The following KCNB2 variants were observed in gnomAD, a reference collection of about 807,000 sequenced individuals.
KCNB2 encodes potassium voltage-gated channel subfamily B member 2.
Under a neutral mutation model 61.5 loss-of-function variants are expected in KCNB2, and 15 were observed. The observed-to-expected ratio is 0.24, with a 90% CI of 0.16 to 0.38. The LOEUF (loss-of-function observed/expected upper bound fraction) is 0.38, where lower values mean the gene tolerates loss of function less well. Ranked by LOEUF, KCNB2 falls within the 10% of genes least tolerant of loss-of-function variation. The pLI is 1.00. For synonymous variants in KCNB2, 457 were observed against 446.0 expected (o/e 1.02, Z -0.31); for missense variants, 828 against 1,125.2 (o/e 0.74, Z 3.78).
At chr8:72,671,679 G>T (rs1185666153) in intron 2 of KCNB2, among the ~76,000 whole-genome samples, 1 of 152,052 alleles carries the variant, frequency 6.6e-6, no homozygotes, top group Non-Finnish European at 1.5e-5. Context: ...ACTTCAAAAG[G>T]TGTAGTGTAT....
chr8:72,704,658 G>A (rs1807189504), intron 2 of KCNB2, among the ~76,000 whole-genome samples: 1 of 152,016 alleles, frequency 6.6e-6, no homozygotes, highest in Non-Finnish European at 1.5e-5. Context: ...TATGGAGTAG[G>A]CTTCAAGATA....
Position 72,937,851 on chromosome 8 carries a change from T to C in KCNB2, c.2496T>C (p.Asn832=), listed in dbSNP as rs748900910. Residue 832 remains asparagine, a synonymous_variant, in exon 3 of 3, where the codon AAT becomes AAC. Coordinates refer to ENST00000523207, the MANE Select transcript of KCNB2 (RefSeq NM_004770.3). ...REEKQVDSSP[N]CFADKPSDGR... ...AGAAGCAGGTGGACTCCAGCCCAAA[T>C]TGCTTTGCAGATAAGCCTAGTGATG... 1 of 1,614,036 alleles carries C rather than the reference T, an allele frequency of 6.2e-7. No homozygotes were observed. Among genetic ancestry groups the C allele is most frequent in the Admixed American group, 1.7e-5 (1 of 59,934 alleles).
chr8:72,832,160 C>T (rs574722302), intron 2 of KCNB2, among the ~76,000 whole-genome samples: 2 of 152,182 alleles, frequency 1.3e-5, no homozygotes, highest in African/African-American at 4.8e-5. Context: ...GGATATAATC[C>T]AAGTTGTCAG....
chr8:72,641,149 A>G (rs544870661), intron 2 of KCNB2, among the ~76,000 whole-genome samples: 2 of 152,178 alleles, frequency 1.3e-5, no homozygotes, highest in African/African-American at 4.8e-5. Context: ...ACAATCCACT[A>G]AAATTTTACT....
intron 2 of KCNB2, among the ~76,000 whole-genome samples, chr8:72,778,217 A>C (rs1808689539): frequency 6.6e-6 from 1 of 152,180 alleles, no homozygotes; most frequent in East Asian, 1.9e-4. Context: ...TAGATTTCTA[A>C]TTATGGAAAC....
At chr8:72,866,110 G>C (rs1249631229) in intron 2 of KCNB2, among the ~76,000 whole-genome samples, 1 of 152,200 alleles carries the variant, frequency 6.6e-6, no homozygotes, top group Non-Finnish European at 1.5e-5. Context: ...AGAGCTATCA[G>C]TAATGGAAAA....
At chr8:72,637,846 A>G (rs1420143745) in intron 2 of KCNB2, among the ~76,000 whole-genome samples, 3 of 152,152 alleles carry the variant, frequency 2.0e-5, no homozygotes, top group Non-Finnish European at 4.4e-5. Flanking sequence ...TGAGAAGCCT[A>G]CTGGAAGACC....
intron 2 of KCNB2, among the ~76,000 whole-genome samples, chr8:72,597,460 T>C (rs1807217892): frequency 1.3e-5 from 2 of 152,252 alleles, no homozygotes; most frequent in Admixed American, 1.3e-4. Context: ...AGCATCTGCA[T>C]GTTATCAGGA....
Position 72,711,777 on chromosome 8 carries a change from C to T in KCNB2, c.579+143464C>T, listed in dbSNP as rs1585845357. ...GGCCAAGGTGGGCGGCATTTGAGGT[C>T]AGGAGTTCAAGACCAGCCTGACCAA... On this transcript the variant is annotated intron_variant, in intron 2 of 2. Coordinates refer to ENST00000523207, the MANE Select transcript of KCNB2 (RefSeq NM_004770.3). Among the ~76,000 whole-genome samples, 3 of 151,850 alleles carry T rather than the reference C, an allele frequency of 2.0e-5. No individual in the cohort carries two copies. The East Asian group carries it at 5.8e-4, about 29-fold the overall frequency.
At chr8:72,545,497 G>A (rs1450876222) in intron 1 of KCNB2, among the ~76,000 whole-genome samples, 2 of 152,158 alleles carry the variant, frequency 1.3e-5, no homozygotes, top group East Asian at 1.9e-4. Context: ...GGCACCACGA[G>A]TTGTGCCCAT....
chr8:72,707,414 A>G (rs1807246655), intron 2 of KCNB2, among the ~76,000 whole-genome samples: 1 of 152,232 alleles, frequency 6.6e-6, no homozygotes, highest in East Asian at 1.9e-4. Flanking sequence ...TAACGACCTG[A>G]TCATTGATCT....
At chr8:72,587,396 A>C (rs1486314696) in intron 2 of KCNB2, among the ~76,000 whole-genome samples, 1 of 152,172 alleles carries the variant, frequency 6.6e-6, no homozygotes, top group Non-Finnish European at 1.5e-5. Context: ...ACTTTGTTAC[A>C]TCTAAATACA....
intron 2 of KCNB2, among the ~76,000 whole-genome samples, chr8:72,752,384 G>A (rs558423325): frequency 9.9e-5 from 15 of 152,266 alleles, no homozygotes; most frequent in East Asian, 3.9e-4. Context: ...TACTTACTCC[G>A]TAAAGTAGAT....
chr8:72,542,513 T>TA (rs777482238), intron 1 of KCNB2, among the ~76,000 whole-genome samples: 8 of 152,190 alleles, frequency 5.3e-5, no homozygotes, highest in South Asian at 4.1e-4. Flanking sequence ...CTGTTAGTAT[T>TA]AAAAAAACCC....
intron 2 of KCNB2, chr8:72,660,655 C>T (rs1331711775): frequency 6.6e-6 from 1 of 152,314 alleles, no homozygotes; most frequent in East Asian, 1.9e-4. Flanking sequence ...GCTTTTCTTT[C>T]ATGGGAAATA....
At chr8:72,730,041 G>A (rs1163633823) in intron 2 of KCNB2, among the ~76,000 whole-genome samples, 1 of 152,120 alleles carries the variant, frequency 6.6e-6, no homozygotes, top group Non-Finnish European at 1.5e-5. Flanking sequence ...CTGTGGTGCT[G>A]TTGTTTTTGG....
Position 72,547,371 on chromosome 8 carries a change from C to T in KCNB2, c.-94+9486C>T, listed in dbSNP as rs1163664871. On this transcript the variant is annotated intron_variant, in intron 1 of 2. Transcript: ENST00000523207. ...TATTTCATAAATACCTTTTATAAGG[C>T]TATACCTGCCATATATAGTGATTCC... is the stretch of plus-strand genomic sequence containing the variant. Among the ~76,000 whole-genome samples the T allele has an allele frequency of 2.6e-5, 4 of 152,148 alleles. 1 individual carries two copies. The highest frequency in any genetic ancestry group is 3.9e-4 in the East Asian group (2 of 5,190).
chr8:72,653,827 T>C (rs1014118691), intron 2 of KCNB2, among the ~76,000 whole-genome samples: 2 of 152,220 alleles, frequency 1.3e-5, no homozygotes, highest in Non-Finnish European at 2.9e-5. Context: ...GGTTATGTTA[T>C]ATACTTGTTG....
At chr8:72,820,065 A>G (rs762192909) in intron 2 of KCNB2, among the ~76,000 whole-genome samples, 1 of 151,984 alleles carries the variant, frequency 6.6e-6, no homozygotes, top group Admixed American at 6.6e-5. Context: ...CCATCTCTCC[A>G]GATACCCATC....
Sources: allele counts gnomAD v4.1 joint callset (sites outside exome capture counted in the v4.1 genomes callset), GRCh38; gene constraint gnomAD v4.1.1; transcripts MANE v1.5; gene names NCBI Gene and HGNC (gene_info 2026-07-23, HGNC 2026-07-21).